Variants in ABTB2 observed in about 807,000 individuals in gnomAD.
ABTB2 encodes the protein ankyrin repeat and BTB/POZ domain-containing protein 2.
A neutral mutation model predicts 104.1 loss-of-function variants in ABTB2; 56 were observed. The observed-to-expected ratio is 0.54, with a 90% CI of 0.43 to 0.67. ABTB2 has a LOEUF of 0.67. ABTB2 is among the 30% of genes least tolerant of loss of function. The pLI, the probability that ABTB2 is intolerant of heterozygous loss-of-function variation, is 0.00. For missense variants in ABTB2, 1,279 were observed against 1,407.7 expected (o/e 0.91, Z 1.46); for synonymous variants, 606 against 608.2 (o/e 1.00, Z 0.05).
chr11:34,222,689 A>G (rs772211139), intron 1 of ABTB2, among the ~76,000 whole-genome samples: 14 of 152,358 alleles, frequency 9.2e-5, no homozygotes, highest in Non-Finnish European at 1.9e-4. Context: ...GAAGCCTCTT[A>G]AGGCTGGATG....
intron 1 of ABTB2, among the ~76,000 whole-genome samples, chr11:34,344,638 A>G (rs1855306926): frequency 6.6e-6 from 1 of 152,130 alleles, no homozygotes; most frequent in Admixed American, 6.5e-5. Context: ...CTGGGGCCAC[A>G]GATGTGCACC....
chr11:34,243,416 C>T (rs999068198), intron 1 of ABTB2, among the ~76,000 whole-genome samples: 4 of 152,104 alleles, frequency 2.6e-5, no homozygotes, highest in African/African-American at 7.2e-5. Flanking sequence ...GGATTACAGG[C>T]GTGAGCCACC....
intron 1 of ABTB2, among the ~76,000 whole-genome samples, chr11:34,232,362 A>C (rs1853779647): frequency 6.6e-6 from 1 of 152,054 alleles, no homozygotes; most frequent in Non-Finnish European, 1.5e-5. Context: ...AGGCATGAGA[A>C]GCACTTGAAC....
intron 1 of ABTB2, among the ~76,000 whole-genome samples, chr11:34,332,666 T>C (rs1006858754): frequency 2.6e-5 from 4 of 151,664 alleles, no homozygotes; most frequent in Admixed American, 2.0e-4. Flanking sequence ...CCCAGGGGAG[T>C]TGGTCCAGCC....
At chr11:34,219,053 C>CTTAG (rs5790979) in intron 1 of ABTB2, among the ~76,000 whole-genome samples, 115,764 of 151,416 alleles carry the variant, frequency 0.76, 44,702 homozygotes, top group East Asian at 0.86. Context: ...TTATACCAAG[C>CTTAG]TTAGTGCTAG....
Position 34,197,484 on chromosome 11 carries a change from G to A in ABTB2, c.1085C>T (p.Pro362Leu), listed in dbSNP as rs770620388. 96 of 1,580,158 alleles carry A rather than the reference G, an allele frequency of 6.1e-5. No individual in the cohort carries two copies. In the East Asian group the frequency reaches 1.8e-3, roughly 30 times the overall value. ...HHMQGRHPLC[P>L]GASPARQARQ... ...GGCCTGGCGGGCAGGGCTGGCACCC[G>A]GGCACAGGGGGTGACGCCCCTGCAT... Residue 362 changes from proline to leucine, a missense_variant, in exon 3 of 17, where the codon CCG (proline) becomes CTG (leucine). Transcript: ENST00000435224.
rs569816968 is a variant in ABTB2, at chr11:34,160,661, G to A, written c.2397+242C>T. ...CTGGGTGCTGGGGGCGAGCGTGCACGCGCGCGCGTGTGTGTGTGTATGTGT... is the reference window on the plus strand; with the variant it reads ...CTGGGTGCTGGGGGCGAGCGTGCACACGCGCGCGTGTGTGTGTGTATGTGT... On this transcript the variant is annotated intron_variant, in intron 11 of 16. Coordinates refer to ENST00000435224, the MANE Select transcript of ABTB2 (RefSeq NM_145804.3). Among the ~76,000 whole-genome samples, 34 of 114,026 alleles carry A rather than the reference G, an allele frequency of 3.0e-4. 1 individual carries two copies. The highest frequency in any genetic ancestry group is 1.2e-3 in the Admixed American group (13 of 10,966). The allele number at this position is 114,026 out of a possible 152,430, so 74.8% of individuals were successfully genotyped here.
At chr11:34,326,683 T>C (rs551560315) in intron 1 of ABTB2, among the ~76,000 whole-genome samples, 5 of 141,832 alleles carry the variant, frequency 3.5e-5, no homozygotes, top group Admixed American at 1.4e-4. Context: ...AGAAAGGGAG[T>C]AGCCAAAAAC....
intron 1 of ABTB2, among the ~76,000 whole-genome samples, chr11:34,224,650 G>A (rs1306834161): frequency 1.3e-5 from 2 of 152,162 alleles, no homozygotes; most frequent in Non-Finnish European, 2.9e-5. Context: ...TTGAGCCTCA[G>A]TTTGCTCGTC....
intron 1 of ABTB2, among the ~76,000 whole-genome samples, chr11:34,288,811 G>A (rs1298179959): frequency 6.6e-6 from 1 of 152,108 alleles, no homozygotes; most frequent in African/African-American, 2.4e-5. Flanking sequence ...ACATGGAAAC[G>A]CTCTGCTCTA....
intron 3 of ABTB2, among the ~76,000 whole-genome samples, chr11:34,174,071 A>G (rs1412588275): frequency 6.6e-6 from 1 of 152,092 alleles, no homozygotes; most frequent in Admixed American, 6.5e-5. Context: ...TCGGTGGCTC[A>G]CGCCTGTAAC....
intron 1 of ABTB2, among the ~76,000 whole-genome samples, chr11:34,317,714 A>T (rs1156720143): frequency 1.4e-5 from 2 of 144,570 alleles, no homozygotes; most frequent in Non-Finnish European, 3.0e-5. Flanking sequence ...GTGCACCAAG[A>T]TGTTGTCACC....
At chr11:34,352,152 T>C (rs1855407050) in intron 1 of ABTB2, among the ~76,000 whole-genome samples, 1 of 152,074 alleles carries the variant, frequency 6.6e-6, no homozygotes, top group Non-Finnish European at 1.5e-5. Context: ...ACTAAATAAA[T>C]CCCACAACCA....
At chr11:34,295,046 T>G (rs1455547039) in intron 1 of ABTB2, among the ~76,000 whole-genome samples, 5 of 152,068 alleles carry the variant, frequency 3.3e-5, no homozygotes, top group African/African-American at 9.7e-5. Flanking sequence ...TAGCCAGGCA[T>G]GGAGGTGCAA....
chr11:34,286,068 G>T (rs1351095502), intron 1 of ABTB2, among the ~76,000 whole-genome samples: 1 of 152,094 alleles, frequency 6.6e-6, no homozygotes, highest in African/African-American at 2.4e-5. Context: ...TCAGCTACTT[G>T]GGAGGCAGAG....
rs572135182 is a variant in ABTB2, at chr11:34,266,726, C to T, written c.884-62036G>A. On this transcript the variant is annotated intron_variant, in intron 1 of 16. Coordinates refer to ENST00000435224, the MANE Select transcript of ABTB2 (RefSeq NM_145804.3). ...ATGACTAAGCCATTGAATTTTAATA[C>T]GCTACTGTGCTCCTTGGAGGGTTTC... 4.6e-5 allele frequency among the ~76,000 whole-genome samples: 7 copies of T among 152,226 alleles called. No individual in the cohort carries two copies. In the South Asian group the frequency reaches 6.2e-4, roughly 14 times the overall value.
chr11:34,270,658 C>G (rs932715249), intron 1 of ABTB2, among the ~76,000 whole-genome samples: 1 of 152,106 alleles, frequency 6.6e-6, no homozygotes, highest in East Asian at 1.9e-4. Flanking sequence ...TTCCTTCCTC[C>G]ACCTCAGAGG....
At position 34,231,001 on chromosome 11, in the gene ABTB2, G is replaced by A. The variant is rs138729042; in HGVS notation, c.884-26311C>T. On this transcript the variant is annotated intron_variant, in intron 1 of 16. Transcript: ENST00000435224. ...GCTGGGGTTACAGGCATGAGCCACC[G>A]CACACAGCAGATCCTAGATTCTAAT... Among the ~76,000 whole-genome samples the A allele has an allele frequency of 7.6e-4, 116 of 152,146 alleles. 1 individual carries two copies. The highest frequency in any genetic ancestry group is 1.3e-3 in the Non-Finnish European group (86 of 68,002).
intron 1 of ABTB2, among the ~76,000 whole-genome samples, chr11:34,325,083 G>A (rs985360882): frequency 2.6e-5 from 4 of 152,090 alleles, no homozygotes; most frequent in African/African-American, 9.7e-5. Flanking sequence ...TTACAGGTAT[G>A]AGCCACCATA....
Sources: gnomAD v4.1 joint callset for allele counts (sites outside exome capture counted in the v4.1 genomes callset) on GRCh38, gnomAD v4.1.1 for gene constraint, MANE v1.5 for transcripts, NCBI Gene and HGNC (gene_info 2026-07-23, HGNC 2026-07-21) for gene names.